APLP2: variants seen among roughly 807,000 people sequenced by gnomAD.
APLP2 encodes amyloid beta precursor like protein 2.
APLP2 carries 53 observed loss-of-function variants against 89.9 expected under a neutral mutation model. The observed-to-expected ratio is 0.59, with a 90% CI of 0.47 to 0.74. APLP2 has a LOEUF of 0.74. APLP2 is among the 30% of genes least tolerant of loss of function. The pLI is 0.00. For synonymous variants in APLP2, 372 were observed against 348.6 expected, an observed-to-expected ratio of 1.07 and a Z score of -0.75; for missense variants, 973 against 975.9, an observed-to-expected ratio of 1.00 and a Z score of 0.04.
At chr11:130,079,528 A>G (rs1054816319) in intron 1 of APLP2, among the ~76,000 whole-genome samples, 1 of 152,208 alleles carries the variant, frequency 6.6e-6, no homozygotes, top group African/African-American at 2.4e-5. Flanking sequence ...GCTATTATAA[A>G]TGGCATCTTT....
intron 10 of APLP2, among the ~76,000 whole-genome samples, chr11:130,129,663 T>A (rs370571904): frequency 1.3e-5 from 2 of 152,310 alleles, no homozygotes; most frequent in South Asian, 2.1e-4. Context: ...ATGGAAAGTA[T>A]TGGGAGGATA....
At chr11:130,070,689 G>T (rs895615147) in intron 1 of APLP2, 2 of 1,477,662 alleles carry the variant, frequency 1.4e-6, no homozygotes, top group African/African-American at 1.5e-5. Flanking sequence ...GGTCGCGGAC[G>T]CGCATTTTTT....
intron 3 of APLP2, among the ~76,000 whole-genome samples, chr11:130,120,022 T>C (rs977619779): frequency 1.4e-4 from 22 of 152,364 alleles, no homozygotes; most frequent in African/African-American, 5.3e-4. Flanking sequence ...TTTAATGTAA[T>C]GTCCCTGAGT....
At chr11:130,135,173 C>T (rs75238538) in intron 12 of APLP2, among the ~76,000 whole-genome samples, 8,422 of 151,754 alleles carry the variant, frequency 0.055, 286 homozygotes, top group East Asian at 0.14. Flanking sequence ...AAAAATTTGC[C>T]GAGAGTAGAT....
intron 4 of APLP2, among the ~76,000 whole-genome samples, chr11:130,121,304 A>G (rs1949790995): frequency 6.6e-6 from 1 of 152,200 alleles, no homozygotes. Context: ...AGTGGTGAGT[A>G]TCTATTAACA....
rs765691227 is a variant in APLP2, at chr11:130,135,728, G to A, written c.1837+13G>A. 1.8e-5 allele frequency: 29 copies of A among 1,613,114 alleles called. No homozygotes were observed. The highest frequency in any genetic ancestry group is 4.0e-5 in the African/African-American group (3 of 74,902). On this transcript the variant is annotated intron_variant, in intron 13 of 16. Coordinates refer to ENST00000338167, the MANE Select transcript of APLP2 (RefSeq NM_001142276.2). ...CCTGAGAACGAAGGTGTGTATGGGC[G>A]ACGGTGCCACTTCTGGGCAGCAGGG...
Position 130,121,616 on chromosome 11 carries a change from A to C in APLP2, c.519A>C (p.Ala173=). 6.2e-7 allele frequency: 1 copy of C among 1,612,360 alleles called. No homozygotes were observed. Among genetic ancestry groups the C allele is most frequent in the Non-Finnish European group, 8.5e-7 (1 of 1,178,858 alleles). ...TGTGGCCTGTGGGTTTCTTTTAGGCATGTCTGACTCAGGGAATGACCTTAT... is the reference window on the plus strand; with the variant it reads ...TGTGGCCTGTGGGTTTCTTTTAGGCCTGTCTGACTCAGGGAATGACCTTAT... ...HQHWHTVVKE[A]CLTQGMTLYS... The change falls in exon 5 of 17, where the codon GCA becomes GCC. Residue 173 remains alanine, a splice_region_variant and synonymous_variant. Transcript: ENST00000338167.
chr11:130,082,473 C>G (rs1943340717), intron 1 of APLP2: 1 of 153,656 alleles, frequency 6.5e-6, no homozygotes, highest in Admixed American at 6.5e-5. Context: ...CGTGAGCCAC[C>G]TCATCCGGTC....
intron 12 of APLP2, 26 bp downstream of exon 12, chr11:130,133,754 G>T: frequency 6.4e-7 from 1 of 1,556,254 alleles, no homozygotes; most frequent in Non-Finnish European, 8.9e-7. Context: ...TTGTGTCAAG[G>T]TCATACGGGA....
intron 1 of APLP2, among the ~76,000 whole-genome samples, chr11:130,080,304 T>C (rs1302066622): frequency 6.6e-6 from 1 of 151,892 alleles, no homozygotes; most frequent in Non-Finnish European, 1.5e-5. Context: ...CCTCCTGGGT[T>C]CAGGTGCCTC....
Position 130,123,596 on chromosome 11 carries a change from G to C in APLP2, c.923-16G>C. On this transcript the variant is annotated splice_polypyrimidine_tract_variant and intron_variant, in intron 6 of 16. Coordinates refer to ENST00000338167, the MANE Select transcript of APLP2 (RefSeq NM_001142276.2). This position sits in a 1 kb window ranked among gnomAD's most constrained non-coding sequence, Gnocchi z 4.0. ...ACTGCCTCTGTCCTGCTGACACTCT[G>C]ACCATTTTCACACAGCTGTCTGCTC... 6.2e-7 allele frequency: 1 copy of C among 1,609,620 alleles called. No individual in the cohort carries two copies. Among genetic ancestry groups the C allele is most frequent in the Non-Finnish European group, 8.5e-7 (1 of 1,178,028 alleles).
At chr11:130,103,024 C>T (rs1343331592) in intron 1 of APLP2, among the ~76,000 whole-genome samples, 2 of 152,132 alleles carry the variant, frequency 1.3e-5, no homozygotes, top group Non-Finnish European at 2.9e-5. Flanking sequence ...GTAGAGGATT[C>T]CAGGTTTACA....
chr11:130,139,558 C>G (rs1952087624), intron 13 of APLP2: 1 of 152,234 alleles, frequency 6.6e-6, no homozygotes, highest in South Asian at 2.1e-4. Context: ...CTCACGTTCC[C>G]TCCCTGGGCC....
At chr11:130,129,894 G>A in intron 10 of APLP2, 144 bp from the exon 11 acceptor site, 1 of 914,084 alleles carries the variant, frequency 1.1e-6, no homozygotes, top group Non-Finnish European at 1.7e-6. Context: ...TACTTGGTAA[G>A]CTAAAAAAGC....
rs552416633 is a variant in APLP2, at chr11:130,099,933, G to A, written c.106-9496G>A. ...AGTGGTTCTGCGTGTTATTTTAATC[G>A]AATCCTCACAACAGGCCTGAGCCGT... On this transcript the variant is annotated intron_variant, in intron 1 of 16. Coordinates refer to ENST00000338167, the MANE Select transcript of APLP2 (RefSeq NM_001142276.2). 2.0e-5 allele frequency among the ~76,000 whole-genome samples: 3 copies of A among 152,274 alleles called. No individual in the cohort carries two copies. In the South Asian group the frequency reaches 6.2e-4, roughly 32 times the overall value.
chr11:130,116,029 A>G (rs1949118680), intron 3 of APLP2, among the ~76,000 whole-genome samples: 2 of 152,314 alleles, frequency 1.3e-5, no homozygotes, highest in Admixed American at 6.5e-5. Context: ...ATACTTTTAA[A>G]TGTTTTTTCC....
At chr11:130,125,805 A>G (rs74755826) in intron 7 of APLP2, among the ~76,000 whole-genome samples, 4,146 of 152,306 alleles carry the variant, frequency 0.027, 202 homozygotes, top group African/African-American at 0.094. Flanking sequence ...TGCATGAATT[A>G]GGCTAGTAAG....
At chr11:130,075,608 G>A (rs12420815) in intron 1 of APLP2, among the ~76,000 whole-genome samples, 17,028 of 152,136 alleles carry the variant, frequency 0.11, 1,228 homozygotes, top group East Asian at 0.25. Context: ...ATTCTAATGT[G>A]CAAGGAGAGA....
At chr11:130,131,731 G>A (rs941973280) in intron 11 of APLP2, among the ~76,000 whole-genome samples, 2 of 152,200 alleles carry the variant, frequency 1.3e-5, no homozygotes, top group Non-Finnish European at 2.9e-5. Flanking sequence ...AGCCAGTTTT[G>A]TGTGAGAGTA....
Sources: allele counts gnomAD v4.1 joint callset (sites outside exome capture counted in the v4.1 genomes callset), GRCh38; gene constraint gnomAD v4.1.1; non-coding constraint Gnocchi (gnomAD v3.1); transcripts MANE v1.5; gene names NCBI Gene and HGNC (gene_info 2026-07-23, HGNC 2026-07-21).